ATF7: variants seen among roughly 807,000 people sequenced by gnomAD.
ATF7 encodes cyclic AMP-dependent transcription factor ATF-7.
A neutral mutation model predicts 50.4 loss-of-function variants in ATF7; 10 were observed. The observed-to-expected ratio is 0.20, with a 90% CI of 0.12 to 0.34. ATF7 has a LOEUF of 0.34. Among genes scored for constraint, ATF7 ranks in the 10% least tolerant of loss-of-function variants. The probability of loss-of-function intolerance (pLI) is 1.00; values close to 1 mark genes in which losing one functional copy is unlikely to be tolerated. For missense variants in ATF7, 465 were observed against 613.9 expected, an observed-to-expected ratio of 0.76 and a Z score of 2.56; for synonymous variants, 201 against 226.4, an observed-to-expected ratio of 0.89 and a Z score of 1.01.
Position 53,524,572 on chromosome 12 carries a change from GA to G in ATF7, c.1116del (p.Gln373SerfsTer2). ...KKAEELTSQN[I>X]QLSNEVTLLR... ...ATCCAGGACCCACTCACACTCAGCT[GA>G]ATGTTCTGAGAAGTGAGTTCTTCGG... On this transcript the variant is annotated frameshift_variant, in exon 10 of 12. Transcript: ENST00000420353. LOFTEE classifies it high-confidence loss of function. This position sits in a 1 kb window ranked among gnomAD's most constrained non-coding sequence, Gnocchi z 4.6. The G allele has an allele frequency of 6.2e-7, 1 of 1,613,826 alleles. No individual in the cohort carries two copies. The highest frequency in any genetic ancestry group is 8.5e-7 in the Non-Finnish European group (1 of 1,179,884).
intron 3 of ATF7, among the ~76,000 whole-genome samples, chr12:53,550,930 C>T (rs1940316624): frequency 6.6e-6 from 1 of 152,194 alleles, no homozygotes; most frequent in African/African-American, 2.4e-5. Context: ...GACCCTTCTA[C>T]CCATTTGGAA....
chr12:53,609,537 T>TCGGGAGACCGAGATGAGAGGATCC, intron 1 of ATF7, among the ~76,000 whole-genome samples: 1 of 150,308 alleles, frequency 6.7e-6, no homozygotes, highest in East Asian at 2.0e-4. Context: ...ACTCGGGAGC[T>TCGGGAGACCGAGATGAGAGGATCC]CGGGAGACCG....
Position 53,531,837 on chromosome 12 carries a change from C to T in ATF7, c.834G>A (p.Val278=), listed in dbSNP as rs373344121. ...TCACCATGGTGCTGGCAGTACCCAC[C>T]ACCATTCCACAACCACCATTGATTG... is the stretch of plus-strand genomic sequence containing the variant. ...VSSINGGCGM[V]VGTASTMVTA... Residue 278 remains valine, a synonymous_variant, in exon 9 of 12, where the codon GTG becomes GTA. Transcript: ENST00000420353. The T allele has an allele frequency of 6.2e-7, 1 of 1,613,566 alleles. No individual in the cohort carries two copies. The highest frequency in any genetic ancestry group is 1.3e-5 in the African/African-American group (1 of 74,986).
chr12:53,558,500 C>T (rs994823738), intron 2 of ATF7, among the ~76,000 whole-genome samples: 1 of 152,160 alleles, frequency 6.6e-6, no homozygotes, highest in African/African-American at 2.4e-5. Flanking sequence ...CAAAAAACTT[C>T]CAGCCTCATT....
intron 11 of ATF7, among the ~76,000 whole-genome samples, chr12:53,521,140 A>G (rs1197170392): frequency 6.6e-6 from 1 of 151,952 alleles, no homozygotes; most frequent in Non-Finnish European, 1.5e-5. Context: ...TTACAGGCGC[A>G]TGCCACCACG....
chr12:53,547,268 G>GCCA (rs1259803523), intron 3 of ATF7, among the ~76,000 whole-genome samples: 56 of 142,382 alleles, frequency 3.9e-4, no homozygotes, highest in African/African-American at 1.4e-3. Flanking sequence ...ACAGGTGTGA[G>GCCA]CCACCGTGCC....
At chr12:53,582,827 G>A (rs780602234) in intron 2 of ATF7, among the ~76,000 whole-genome samples, 2 of 151,974 alleles carry the variant, frequency 1.3e-5, no homozygotes, top group African/African-American at 2.4e-5. Context: ...CTCGTGATCC[G>A]CCCACCTCGG....
chr12:53,517,544 A>G (rs1937786353), intron 11 of ATF7, 190 bp from the exon 12 acceptor site: 1 of 611,106 alleles, frequency 1.6e-6, no homozygotes, highest in Non-Finnish European at 2.9e-6. Flanking sequence ...GGAAGTTGTA[A>G]GAAGGGAAGA....
chr12:53,562,152 G>A, intron 2 of ATF7, among the ~76,000 whole-genome samples: 1 of 152,230 alleles, frequency 6.6e-6, no homozygotes, highest in East Asian at 1.9e-4. Flanking sequence ...TTATTTGATA[G>A]TTGGTCTAGC....
intron 1 of ATF7, among the ~76,000 whole-genome samples, chr12:53,621,601 G>A (rs936939975): frequency 1.3e-5 from 2 of 151,670 alleles, no homozygotes; most frequent in Non-Finnish European, 2.9e-5. Flanking sequence ...AGCCAACATG[G>A]TGAAACCCCG....
intron 1 of ATF7, among the ~76,000 whole-genome samples, chr12:53,610,548 G>C (rs1943820386): frequency 7.1e-6 from 1 of 140,198 alleles, no homozygotes; most frequent in East Asian, 2.1e-4. Context: ...CTGGGCAATA[G>C]AGTGAGACTC....
intron 2 of ATF7, among the ~76,000 whole-genome samples, chr12:53,599,072 C>G (rs1943278605): frequency 6.6e-6 from 1 of 152,118 alleles, no homozygotes; most frequent in Non-Finnish European, 1.5e-5. Context: ...CGCTCTGTTG[C>G]CCAGGCTAGA....
rs1248719320 is a variant in ATF7, at chr12:53,515,559, C to T, written c.*1578G>A. The stretch of plus-strand genomic sequence containing the variant: ...TGGTCCTGGTAGAAACTGCATAGTT[C>T]AGAGCCAAGGGGAGATGAGAAGCCT... On this transcript the variant is annotated 3_prime_UTR_variant, in exon 12 of 12. Transcript: ENST00000420353. 1 of 152,128 alleles carries T rather than the reference C, an allele frequency of 6.6e-6. No homozygotes were observed. Among genetic ancestry groups the T allele is most frequent in the East Asian group, 1.9e-4 (1 of 5,202 alleles). The allele number at this position is 152,128 out of a possible 1,614,324, so 9.4% of individuals were successfully genotyped here.
chr12:53,551,950 TA>T (rs1438951478), intron 3 of ATF7, among the ~76,000 whole-genome samples: 1 of 152,196 alleles, frequency 6.6e-6, no homozygotes, highest in African/African-American at 2.4e-5. Context: ...GAGAATGGCA[TA>T]TACAAGCAAG....
Position 53,546,060 on chromosome 12 carries a change from C to T in ATF7, c.146-2612G>A, listed in dbSNP as rs373445201. ...ATACAAAATTAGCCAGGCATGGTGG[C>T]GCATGCCTGTAATCTCAGCTACTTG... On this transcript the variant is annotated intron_variant, in intron 3 of 11. Coordinates refer to ENST00000420353, the MANE Select transcript of ATF7 (RefSeq NM_006856.3). Among the ~76,000 whole-genome samples the T allele has an allele frequency of 1.5e-3, 231 of 152,152 alleles. 8 individuals carry two copies. In the South Asian group the frequency reaches 0.046, roughly 30 times the overall value.
In ATF7 at chr12:53,515,719, C is replaced by T. The variant is rs894291473; in HGVS notation, c.*1418G>A. On this transcript the variant is annotated 3_prime_UTR_variant, in exon 12 of 12. Coordinates refer to ENST00000420353, the MANE Select transcript of ATF7 (RefSeq NM_006856.3). ...GTCCTTTGCTGGGACCAGTTCTGCA[C>T]TTTCCCTCTCCTCTTCCTCCCTCCT... 1 of 152,250 alleles carries T rather than the reference C, an allele frequency of 6.6e-6. No individual in the cohort carries two copies. The highest frequency in any genetic ancestry group is 1.5e-5 in the Non-Finnish European group (1 of 68,056). 9.4% of individuals were successfully genotyped at this position (152,250 alleles called of 1,614,324 possible).
At position 53,531,901 on chromosome 12, in the gene ATF7, G is replaced by A. The variant is rs1411687862; in HGVS notation, c.775-5C>T. 1.2e-6 allele frequency: 2 copies of A among 1,612,744 alleles called. No individual in the cohort carries two copies. The highest frequency in any genetic ancestry group is 2.7e-5 in the African/African-American group (2 of 74,812). On this transcript the variant is annotated splice_polypyrimidine_tract_variant and splice_region_variant and intron_variant, in intron 8 of 11. Coordinates refer to ENST00000420353, the MANE Select transcript of ATF7 (RefSeq NM_006856.3). The stretch of plus-strand genomic sequence containing the variant: ...AGTTAGGGTGGCTTTCAGTCTCTGT[G>A]GGCAAAGATAAGAAAAAATGCTTGT...
At chr12:53,517,649 C>T in intron 11 of ATF7, 2 of 406,662 alleles carry the variant, frequency 4.9e-6, no homozygotes, top group Non-Finnish European at 4.5e-6. Flanking sequence ...AGTTCATTAC[C>T]AACTCTTATT....
intron 4 of ATF7, among the ~76,000 whole-genome samples, chr12:53,541,923 G>T (rs1324111975): frequency 6.6e-6 from 1 of 152,036 alleles, no homozygotes; most frequent in Non-Finnish European, 1.5e-5. Context: ...CCGGGTTCAA[G>T]TGATTCTCCT....
Sources: gnomAD v4.1 joint callset for allele counts (sites outside exome capture counted in the v4.1 genomes callset) on GRCh38, gnomAD v4.1.1 for gene constraint, Gnocchi (gnomAD v3.1) non-coding constraint, MANE v1.5 for transcripts, NCBI Gene and HGNC (gene_info 2026-07-23, HGNC 2026-07-21) for gene names.